AP3S2: variants seen among roughly 807,000 people sequenced by gnomAD.
AP3S2 encodes adaptor related protein complex 3 subunit sigma 2, also known as AP-3 complex subunit sigma-2.
Under a neutral mutation model 23.4 loss-of-function variants are expected in AP3S2, and 22 were observed. The ratio of observed to expected loss-of-function variants is 0.94; its 90% confidence interval spans 0.67 to 1.34. The LOEUF (loss-of-function observed/expected upper bound fraction) is 1.34, where lower values mean the gene tolerates loss of function less well. AP3S2 is among the 40% of genes most tolerant of loss of function. The pLI, the probability that AP3S2 is intolerant of heterozygous loss-of-function variation, is 0.00. For synonymous variants in AP3S2, 86 were observed against 87.1 expected (o/e 0.99, Z 0.07); for missense variants, 241 against 236.9 (o/e 1.02, Z -0.11).
rs1332536802 is a variant in AP3S2 at position 89,835,758 on chromosome 15, T to C, written c.454-115A>G. On this transcript the variant is annotated intron_variant, in intron 5 of 5. Coordinates refer to ENST00000336418, the MANE Select transcript of AP3S2 (RefSeq NM_005829.5). ...AAACAAACAAGCAGGATGGGTGTGGTGGCTCACGCCTGTAATCCCAGCACT... is the reference window on the plus strand; with the variant it reads ...AAACAAACAAGCAGGATGGGTGTGGCGGCTCACGCCTGTAATCCCAGCACT... The C allele has an allele frequency of 2.8e-6, 4 of 1,442,118 alleles. No individual in the cohort carries two copies. In the South Asian group the frequency reaches 5.7e-5, roughly 21 times the overall value. 89.3% of individuals were successfully genotyped at this position (1,442,118 alleles called of 1,614,324 possible).
rs1171575845 is a variant in AP3S2 at position 89,835,412 on chromosome 15, G to A, written c.*103C>T. On this transcript the variant is annotated 3_prime_UTR_variant, in exon 6 of 6. Coordinates refer to ENST00000336418, the MANE Select transcript of AP3S2 (RefSeq NM_005829.5). ...AGACACAAAGTTTCCAGGTCCTGAG[G>A]CTTGACTCTTCTAAGGCTCAAAATG... 15 of 1,545,756 alleles carry A rather than the reference G, an allele frequency of 9.7e-6. No homozygotes were observed. The East Asian group carries it at 3.4e-4, about 35-fold the overall frequency.
At chr15:89,884,275 T>A (rs1896641581) in intron 3 of AP3S2, among the ~76,000 whole-genome samples, 1 of 152,196 alleles carries the variant, frequency 6.6e-6, no homozygotes, top group East Asian at 1.9e-4. Context: ...TATTAATTTT[T>A]CTTTGTTATA....
At chr15:89,859,267 T>C (rs1274598884) in intron 4 of AP3S2, among the ~76,000 whole-genome samples, 2 of 150,622 alleles carry the variant, frequency 1.3e-5, no homozygotes, top group Non-Finnish European at 3.0e-5. Context: ...TTCCTTTTTT[T>C]CTTTTCTTTC....
chr15:89,868,599 C>T (rs1156761619), intron 4 of AP3S2, among the ~76,000 whole-genome samples: 3 of 123,782 alleles, frequency 2.4e-5, no homozygotes, highest in East Asian at 2.6e-4. Context: ...CCAGCCGCCC[C>T]GTCTGGGAGG....
At chr15:89,860,958 A>G (rs551042169) in intron 4 of AP3S2, among the ~76,000 whole-genome samples, 1 of 152,338 alleles carries the variant, frequency 6.6e-6, no homozygotes, top group East Asian at 1.9e-4. Context: ...CTCTTTCATC[A>G]TCAAAAACAC....
intron 4 of AP3S2, among the ~76,000 whole-genome samples, chr15:89,859,695 CTTCT>C (rs917572230): frequency 3.0e-4 from 46 of 151,004 alleles, no homozygotes; most frequent in African/African-American, 9.0e-4. Flanking sequence ...GCGCCCAGCC[CTTCT>C]TTCTTTTTTT....
At chr15:89,853,364 A>T (rs950385314) in intron 4 of AP3S2, among the ~76,000 whole-genome samples, 1 of 152,258 alleles carries the variant, frequency 6.6e-6, no homozygotes, top group Non-Finnish European at 1.5e-5. Flanking sequence ...ATATTACTGT[A>T]TTATATCAAA....
intron 4 of AP3S2, chr15:89,865,713 T>C (rs1319727140): frequency 6.6e-5 from 10 of 152,194 alleles, no homozygotes; most frequent in Non-Finnish European, 2.9e-5. Flanking sequence ...GAAATAGATG[T>C]TTCAAGAAAA....
chr15:89,845,078 T>C (rs753781387), intron 4 of AP3S2, among the ~76,000 whole-genome samples: 26 of 152,070 alleles, frequency 1.7e-4, no homozygotes, highest in Non-Finnish European at 2.9e-4. Context: ...GCTTATTTTT[T>C]GTATTTTTAG....
At chr15:89,842,565 C>T (rs1895354962) in intron 4 of AP3S2, among the ~76,000 whole-genome samples, 1 of 152,178 alleles carries the variant, frequency 6.6e-6, no homozygotes, top group South Asian at 2.1e-4. Context: ...AATGGAACAA[C>T]ACCTACAAAA....
intron 4 of AP3S2, among the ~76,000 whole-genome samples, chr15:89,858,455 A>AAAAGAAAG (rs769434767): frequency 1.9e-4 from 25 of 131,182 alleles, no homozygotes; most frequent in African/African-American, 5.5e-4. Flanking sequence ...AAAAGAAAGA[A>AAAAGAAAG]AAAGAAAGAA....
intron 4 of AP3S2, among the ~76,000 whole-genome samples, chr15:89,866,855 C>T (rs988883025): frequency 4.6e-5 from 7 of 152,200 alleles, no homozygotes; most frequent in Admixed American, 6.5e-5. Flanking sequence ...AGCAAAGCTA[C>T]TCTCACAGGT....
chr15:89,872,875 G>C (rs1404440165), intron 3 of AP3S2, among the ~76,000 whole-genome samples: 2 of 152,180 alleles, frequency 1.3e-5, no homozygotes, highest in African/African-American at 4.8e-5. Flanking sequence ...TTCCTTTCTT[G>C]AGACTGGTAA....
chr15:89,841,857 A>G (rs1388656231), intron 4 of AP3S2, among the ~76,000 whole-genome samples: 3 of 152,232 alleles, frequency 2.0e-5, no homozygotes, highest in Non-Finnish European at 4.4e-5. Context: ...TAAATATACA[A>G]CGAGAAAAAA....
At position 89,855,530 on chromosome 15, in the gene AP3S2, A is replaced by G. The variant is rs187023837; in HGVS notation, c.345+15945T>C. Among the ~76,000 whole-genome samples the G allele has an allele frequency of 8.7e-3, 1,016 of 116,390 alleles. 3 individuals are homozygous for G. Among genetic ancestry groups the G allele is most frequent in the Non-Finnish European group, 0.014 (803 of 55,882 alleles). The allele number at this position is 116,390 out of a possible 152,430, so 76.4% of individuals were successfully genotyped here. A position where few individuals can be genotyped will look rare whatever the true frequency, so the allele number is the denominator to read the frequency against. On this transcript the variant is annotated intron_variant, in intron 4 of 5. Transcript: ENST00000336418. ...ACACCCAAGAATTATCAATAAAAGA[A>G]TAAATTAAAAAAAAAAAAAAAGAAT...
chr15:89,857,433 C>A (rs551423536), intron 4 of AP3S2, among the ~76,000 whole-genome samples: 1 of 152,252 alleles, frequency 6.6e-6, no homozygotes, highest in East Asian at 1.9e-4. Context: ...AGTACTTCAT[C>A]AAGGTCAGAG....
intron 4 of AP3S2, among the ~76,000 whole-genome samples, chr15:89,870,398 A>C (rs1896290616): frequency 6.6e-6 from 1 of 152,188 alleles, no homozygotes; most frequent in African/African-American, 2.4e-5. Context: ...AAGTATCTAA[A>C]GAAGGAAAAG....
intron 3 of AP3S2, among the ~76,000 whole-genome samples, chr15:89,872,550 G>A (rs1205026730): frequency 3.3e-5 from 5 of 152,128 alleles, no homozygotes; most frequent in Non-Finnish European, 7.4e-5. Context: ...CTCAGACAAT[G>A]ACCTCATTTA....
At chr15:89,872,886 C>T (rs535470367) in intron 3 of AP3S2, among the ~76,000 whole-genome samples, 11 of 152,302 alleles carry the variant, frequency 7.2e-5, no homozygotes, top group African/African-American at 2.6e-4. Context: ...AGACTGGTAA[C>T]CAGTGCACTG....
Sources: allele counts gnomAD v4.1 joint callset (sites outside exome capture counted in the v4.1 genomes callset), GRCh38; gene constraint gnomAD v4.1.1; transcripts MANE v1.5; gene names NCBI Gene and HGNC (gene_info 2026-07-23, HGNC 2026-07-21).